ANK2: variants seen among roughly 807,000 people sequenced by gnomAD.
ANK2 encodes ankyrin 2, also known as ankyrin-2.
Under a neutral mutation model 360.5 loss-of-function variants are expected in ANK2, and 83 were observed. That is an observed-to-expected ratio of 0.23 (90% CI 0.19 to 0.28). The LOEUF is 0.28. Ranked by LOEUF, ANK2 falls within the 10% of genes least tolerant of loss-of-function variation. ANK2 has a pLI of 1.00. For missense variants in ANK2, 4,201 were observed against 4,795.7 expected, an observed-to-expected ratio of 0.88 and a Z score of 3.66; for synonymous variants, 1,740 against 1,759.5, an observed-to-expected ratio of 0.99 and a Z score of 0.28.
intron 1 of ANK2, chr4:113,146,028 A>G (rs776910983): frequency 7.8e-7 from 1 of 1,289,360 alleles, no homozygotes; most frequent in Non-Finnish European, 1.0e-6. Context: ...ACAAAGGAGG[A>G]GGAAGGGAGG....
chr4:112,843,617 A>T (rs972113456), intron 1 of ANK2, among the ~76,000 whole-genome samples: 1 of 152,196 alleles, frequency 6.6e-6, no homozygotes, highest in Non-Finnish European at 1.5e-5. Context: ...GCGTTTTTGC[A>T]CTTGGGAAAA....
intron 20 of ANK2, 83 bp from the exon 21 acceptor site, chr4:113,292,333 A>G (rs2068134587): frequency 8.3e-7 from 1 of 1,206,196 alleles, no homozygotes; most frequent in African/African-American, 1.5e-5. Context: ...GTTGTAAATA[A>G]GACTATTCAA....
At chr4:112,784,350 ATTTTTTT>A in the ANK2 span, among the ~76,000 whole-genome samples, 1,957 of 69,550 alleles carry the variant, frequency 0.028, 66 homozygotes, top group African/African-American at 0.085. Flanking sequence ...ACCCTGACTG[ATTTTTTT>A]TTTTTTTTTT....
At chr4:113,028,647 AAG>A (rs1249067203) in intron 2 of ANK2, among the ~76,000 whole-genome samples, 2 of 152,142 alleles carry the variant, frequency 1.3e-5, no homozygotes, top group African/African-American at 4.8e-5. Flanking sequence ...ACTCAAGTAA[AAG>A]AGGCCCTTTT....
intron 1 of ANK2, among the ~76,000 whole-genome samples, chr4:113,089,053 C>T (rs1009797741): frequency 6.6e-6 from 1 of 152,138 alleles, no homozygotes. Flanking sequence ...CTGGTGGTCT[C>T]AGGGAAGTAT....
chr4:113,302,747 A>C lies in ANK2; in HGVS notation c.2476-20A>C, dbSNP rs2075587253. On this transcript the variant is annotated intron_variant, in intron 22 of 45. Transcript: ENST00000357077. ...TACTTTTGGTTTCAACTTGAACATT[A>C]ATGATTTTTGTTTTTCCAGACTATT... is the stretch of plus-strand genomic sequence containing the variant. 1.9e-6 allele frequency: 3 copies of C among 1,598,390 alleles called. No individual in the cohort carries two copies. The highest frequency in any genetic ancestry group is 2.6e-6 in the Non-Finnish European group (3 of 1,165,964).
chr4:113,253,900 T>G (rs902307006), intron 10 of ANK2, among the ~76,000 whole-genome samples: 10 of 152,112 alleles, frequency 6.6e-5, no homozygotes, highest in African/African-American at 1.4e-4. Context: ...ACCTGCAAGG[T>G]CTCTCACCTC....
chr4:113,130,157 T>C (rs2095922237), intron 1 of ANK2, among the ~76,000 whole-genome samples: 1 of 152,184 alleles, frequency 6.6e-6, no homozygotes, highest in African/African-American at 2.4e-5. Context: ...TTGTCTTTTA[T>C]TTATCACACT....
At position 113,278,467 on chromosome 4, in the gene ANK2, T is replaced by G. The variant is rs1187475211; in HGVS notation, c.1790T>G (p.Leu597Arg). Residue 597 changes from leucine to arginine, a missense_variant, in exon 17 of 46, where the codon CTT becomes CGT. Transcript: ENST00000357077. ...TAAACACACCCTTTACAGAACGGCC[T>G]TACCCCGCTCCATGTTGCTGCTCAT... ...AAADSAGKNGLTPLHVAAHYD... is the reference protein window; with the variant it reads ...AAADSAGKNGRTPLHVAAHYD... The G allele has an allele frequency of 1.2e-6, 2 of 1,613,830 alleles. No homozygotes were observed. Among genetic ancestry groups the G allele is most frequent in the African/African-American group, 2.7e-5 (2 of 74,898 alleles).
chr4:112,895,898 C>T (rs1053081553), intron 1 of ANK2, among the ~76,000 whole-genome samples: 4 of 152,240 alleles, frequency 2.6e-5, no homozygotes, highest in Non-Finnish European at 4.4e-5. Flanking sequence ...TGTGTCAAAG[C>T]GAGAGCATTC....
chr4:112,735,626 A>G, the ANK2 span, among the ~76,000 whole-genome samples: 1 of 152,148 alleles, frequency 6.6e-6, no homozygotes, highest in African/African-American at 2.4e-5. Flanking sequence ...TCCCCAAACC[A>G]CTGAAGTATT....
At chr4:112,926,635 G>T (rs894604852) in intron 2 of ANK2, among the ~76,000 whole-genome samples, 1 of 152,124 alleles carries the variant, frequency 6.6e-6, no homozygotes, top group African/African-American at 2.4e-5. Flanking sequence ...AACTTGTAGA[G>T]GTAGATGTTA....
chr4:113,357,603 G>A lies in ANK2; in HGVS notation c.8985G>A (p.Met2995Ile), dbSNP rs776816544. The A allele has an allele frequency of 2.5e-6, 4 of 1,614,098 alleles. No homozygotes were observed. In the South Asian group the frequency reaches 4.4e-5, roughly 18 times the overall value. ...ESNFEGQDIK[M>I]ESQQESTLWE... is the part of the protein sequence containing the mutation. The stretch of plus-strand genomic sequence containing the variant: ...ATTTTGAGGGCCAGGACATAAAAAT[G>A]GAATCCCAACAGGAAAGTACCTTGT... Residue 2995 changes from methionine (M) to isoleucine (I), a missense_variant, in exon 38 of 46, where the codon ATG becomes ATA. Coordinates refer to ENST00000357077, the MANE Select transcript of ANK2 (RefSeq NM_001148.6).
intron 2 of ANK2, among the ~76,000 whole-genome samples, chr4:112,908,222 C>T (rs1163545271): frequency 6.6e-6 from 1 of 152,040 alleles, no homozygotes; most frequent in African/African-American, 2.4e-5. Flanking sequence ...TAAAGAGGGC[C>T]GTTTAACTTG....
At chr4:113,145,609 G>T (rs771111005) in intron 1 of ANK2, 14 of 1,089,494 alleles carry the variant, frequency 1.3e-5, no homozygotes, top group East Asian at 6.5e-5. Flanking sequence ...GGCCTGGTAG[G>T]TGTAAAAATA....
intron 45 of ANK2, among the ~76,000 whole-genome samples, chr4:113,375,647 C>T (rs1204811454): frequency 1.3e-5 from 2 of 151,804 alleles, no homozygotes; most frequent in African/African-American, 2.4e-5. Context: ...ATGGTGTGAA[C>T]CTGGGAGGCG....
chr4:112,857,224 TA>T (rs1267514113), intron 1 of ANK2, among the ~76,000 whole-genome samples: 1 of 152,194 alleles, frequency 6.6e-6, no homozygotes, highest in African/African-American at 2.4e-5. Context: ...AAAAAGTTTT[TA>T]AAAGAAACTT....
At chr4:113,344,126 C>T (rs191364699) in intron 34 of ANK2, among the ~76,000 whole-genome samples, 105 of 152,276 alleles carry the variant, frequency 6.9e-4, no homozygotes, top group African/African-American at 1.8e-3. Flanking sequence ...AGTAACTGCT[C>T]AGAGGTAATG....
chr4:113,269,868 G>A (rs1248063491), intron 14 of ANK2, among the ~76,000 whole-genome samples: 2 of 152,214 alleles, frequency 1.3e-5, no homozygotes, highest in East Asian at 3.8e-4. Context: ...AGGTTCCACA[G>A]ATCTTCATGC....
Sources: gnomAD v4.1 joint callset for allele counts (sites outside exome capture counted in the v4.1 genomes callset) on GRCh38, gnomAD v4.1.1 for gene constraint, MANE v1.5 for transcripts, NCBI Gene and HGNC (gene_info 2026-07-23, HGNC 2026-07-21) for gene names.